The following SLC35F4 variants were observed in gnomAD, a reference collection of about 807,000 sequenced individuals.
SLC35F4 encodes the protein solute carrier family 35 member F4, also known as chromosome 14 open reading frame 36.
SLC35F4 carries 24 observed loss-of-function variants against 44.2 expected under a neutral mutation model. The ratio of observed to expected loss-of-function variants is 0.54; its 90% CI spans 0.39 to 0.76. The LOEUF (loss-of-function observed/expected upper bound fraction) is 0.76. Ranked by LOEUF, SLC35F4 falls within the 30% of genes least tolerant of loss-of-function variation. The pLI is 0.00. For missense variants in SLC35F4, 562 were observed against 586.1 expected, an observed-to-expected ratio of 0.96 and a Z score of 0.42; for synonymous variants, 238 against 223.6, an observed-to-expected ratio of 1.06 and a Z score of -0.57.
chr14:57,949,040 T>C (rs55649202), intron 1 of SLC35F4, among the ~76,000 whole-genome samples: 15,725 of 152,128 alleles, frequency 0.1, 1,461 homozygotes, highest in African/African-American at 0.24. Flanking sequence ...ACATGTTAAG[T>C]CCATTTTTTC....
intron 1 of SLC35F4, among the ~76,000 whole-genome samples, chr14:57,811,277 G>C (rs1229397840): frequency 7.2e-5 from 11 of 152,222 alleles, no homozygotes; most frequent in Non-Finnish European, 1.5e-4. Flanking sequence ...CTCATGTTCA[G>C]AATCTCTACT....
chr14:57,903,380 C>T (rs976176869), intron 1 of SLC35F4, among the ~76,000 whole-genome samples: 4 of 152,176 alleles, frequency 2.6e-5, no homozygotes, highest in Non-Finnish European at 4.4e-5. Flanking sequence ...GATTAGGAAA[C>T]TGATCAGATT....
chr14:57,885,014 T>C (rs1027963991), intron 1 of SLC35F4, among the ~76,000 whole-genome samples: 1 of 152,152 alleles, frequency 6.6e-6, no homozygotes, highest in African/African-American at 2.4e-5. Context: ...TAGATGTGCA[T>C]ATGGCTTTTT....
intron 1 of SLC35F4, among the ~76,000 whole-genome samples, chr14:57,926,428 C>T (rs1330899655): frequency 6.6e-6 from 1 of 152,152 alleles, no homozygotes; most frequent in African/African-American, 2.4e-5. Flanking sequence ...CACGCAAACA[C>T]ATTCACACAG....
intron 1 of SLC35F4, among the ~76,000 whole-genome samples, chr14:57,615,999 ATAAC>A (rs2071796833): frequency 6.6e-6 from 1 of 152,200 alleles, no homozygotes; most frequent in Admixed American, 6.5e-5. Flanking sequence ...AAATTGGAAA[ATAAC>A]TACCATTTCT....
intron 1 of SLC35F4, among the ~76,000 whole-genome samples, chr14:57,779,958 C>G (rs980140401): frequency 6.6e-6 from 1 of 152,126 alleles, no homozygotes; most frequent in East Asian, 1.9e-4. Context: ...CCATTTATGA[C>G]AAACCCACAG....
intron 1 of SLC35F4, among the ~76,000 whole-genome samples, chr14:57,691,652 ATTTG>A (rs1036719980): frequency 7.2e-5 from 11 of 152,308 alleles, no homozygotes; most frequent in African/African-American, 2.2e-4. Flanking sequence ...CAAAGATGAT[ATTTG>A]TTTATTATGT....
intron 1 of SLC35F4, among the ~76,000 whole-genome samples, chr14:57,720,454 T>C (rs555036212): frequency 6.6e-6 from 1 of 152,306 alleles, no homozygotes; most frequent in Admixed American, 6.5e-5. Context: ...GTGGAGCCAT[T>C]GGGTTCCAGG....
chr14:57,819,895 G>A (rs1227117110), intron 1 of SLC35F4, among the ~76,000 whole-genome samples: 1 of 151,856 alleles, frequency 6.6e-6, no homozygotes, highest in Non-Finnish European at 1.5e-5. Context: ...CAGTACTTAG[G>A]ACTGTGTGGT....
intron 1 of SLC35F4, among the ~76,000 whole-genome samples, chr14:57,875,565 G>A (rs2141029478): frequency 6.6e-6 from 1 of 152,310 alleles, no homozygotes; most frequent in East Asian, 1.9e-4. Context: ...GAATAGGATA[G>A]GCTCTTTCAC....
At chr14:57,627,202 A>G (rs1379679493) in intron 1 of SLC35F4, among the ~76,000 whole-genome samples, 3 of 152,172 alleles carry the variant, frequency 2.0e-5, no homozygotes, top group Admixed American at 2.0e-4. Flanking sequence ...TAAGATGAAC[A>G]TAACATAAAG....
In SLC35F4 at chr14:57,962,482, G is replaced by A. The variant is rs1890357395; in HGVS notation, n.282+19431C>T. Among the ~76,000 whole-genome samples, 3 of 152,170 alleles carry A rather than the reference G, an allele frequency of 2.0e-5. No individual in the cohort carries two copies. In the South Asian group the frequency reaches 6.2e-4, roughly 32 times the overall value. ...CTGCCTCAACCTAAATTAGGAAAAGGAGCCCCTTCCTCAAGGCATTCCTGC... is the reference window on the plus strand; with the variant it reads ...CTGCCTCAACCTAAATTAGGAAAAGAAGCCCCTTCCTCAAGGCATTCCTGC... On this transcript the variant is annotated intron_variant and non_coding_transcript_variant, in intron 1 of 1. Coordinates refer to the SLC35F4 transcript ENST00000556568.
intron 3 of SLC35F4, among the ~76,000 whole-genome samples, chr14:57,584,629 C>T (rs2069557779): frequency 6.6e-6 from 1 of 152,130 alleles, no homozygotes; most frequent in South Asian, 2.1e-4. Context: ...GTCAGCTTCA[C>T]TCTACATGCA....
At chr14:57,827,805 A>C (rs1192864128) in intron 1 of SLC35F4, among the ~76,000 whole-genome samples, 1 of 47,530 alleles carries the variant, frequency 2.1e-5, no homozygotes, top group Non-Finnish European at 3.5e-5. Flanking sequence ...TTATTTTTCA[A>C]AAAAAAAAAA....
At chr14:57,608,654 C>G (rs1319090532) in intron 1 of SLC35F4, among the ~76,000 whole-genome samples, 1 of 151,982 alleles carries the variant, frequency 6.6e-6, no homozygotes, top group Non-Finnish European at 1.5e-5. Context: ...CAAACTCATA[C>G]AGGAGGGGAT....
chr14:57,706,336 T>C (rs1490126484), intron 1 of SLC35F4, among the ~76,000 whole-genome samples: 1 of 152,152 alleles, frequency 6.6e-6, no homozygotes, highest in Non-Finnish European at 1.5e-5. Context: ...ACATCAAGAA[T>C]TCTATAGGAA....
intron 1 of SLC35F4, among the ~76,000 whole-genome samples, chr14:57,797,820 T>C (rs1487350114): frequency 6.6e-6 from 1 of 152,198 alleles, no homozygotes; most frequent in Non-Finnish European, 1.5e-5. Context: ...CCTTGCCATA[T>C]ATCTTGACAG....
chr14:57,738,938 G>C (rs955499522), intron 1 of SLC35F4, among the ~76,000 whole-genome samples: 1 of 151,414 alleles, frequency 6.6e-6, no homozygotes, highest in South Asian at 2.1e-4. Flanking sequence ...GTTCTGGATA[G>C]CTATCCTCCA....
chr14:57,640,974 G>A (rs2073205460), intron 1 of SLC35F4, among the ~76,000 whole-genome samples: 1 of 151,832 alleles, frequency 6.6e-6, no homozygotes, highest in Non-Finnish European at 1.5e-5. Context: ...GATAAATAGT[G>A]GCTGACTCTG....
Sources: gnomAD v4.1 joint callset for allele counts (sites outside exome capture counted in the v4.1 genomes callset) on GRCh38, gnomAD v4.1.1 for gene constraint, MANE v1.5 for transcripts, NCBI Gene and HGNC (gene_info 2026-07-23, HGNC 2026-07-21) for gene names.